The following YJU2B variants were observed in gnomAD, a reference collection of about 807,000 sequenced individuals.
The protein encoded by YJU2B is YJU2 splicing factor homolog B.
In YJU2B, 18 loss-of-function variants were observed where a neutral mutation model predicts 38.0. The ratio of observed to expected loss-of-function variants is 0.47; its 90% confidence interval spans 0.33 to 0.70. YJU2B has a LOEUF of 0.70. YJU2B is among the 30% of genes least tolerant of loss of function. YJU2B has a pLI of 0.02. For missense variants in YJU2B, 538 were observed against 556.3 expected (o/e 0.97, Z 0.33); for synonymous variants, 246 against 225.4 (o/e 1.09, Z -0.82).
intron 2 of YJU2B, among the ~76,000 whole-genome samples, chr19:13,736,197 GC>G (rs1972940479): frequency 6.6e-6 from 1 of 150,892 alleles, no homozygotes; most frequent in South Asian, 2.1e-4. Flanking sequence ...TATACAAAGA[GC>G]CATAGCTCCT....
intron 2 of YJU2B, among the ~76,000 whole-genome samples, chr19:13,738,349 T>C (rs1973007526): frequency 6.6e-6 from 1 of 152,202 alleles, no homozygotes; most frequent in African/African-American, 2.4e-5. Context: ...ATTGTCACTG[T>C]TATGGATTGA....
At position 13,742,466 on chromosome 19, in the gene YJU2B, C is replaced by G. The variant is rs116325813; in HGVS notation, c.-201-9142C>G. On this transcript the variant is annotated intron_variant, in intron 2 of 10. Coordinates refer to the YJU2B transcript ENST00000586600. ...TACAAGTCTCACATTTTATATGGCT[C>G]CCATGCTTACGCATAAATGTCTGTG... is the stretch of plus-strand genomic sequence containing the variant. 8.4e-3 allele frequency among the ~76,000 whole-genome samples: 1,281 copies of G among 152,310 alleles called. 16 individuals carry two copies. The highest frequency in any genetic ancestry group is 0.03 in the African/African-American group (1,232 of 41,570).
Position 13,763,036 on chromosome 19 carries a change from G to A in YJU2B, c.1159G>A (p.Val387Met). The stretch of plus-strand genomic sequence containing the variant: ...CCCCTGCAGTCTCGGCTCCTCCCTC[G>A]TGGCGGACTACTCCGACTCGGAGAG... ...RHPCSLGSSL[V>M]ADYSDSESE Residue 387 changes from valine (V) to methionine (M), a missense_variant, in exon 10 of 10, where the codon GTG becomes ATG. Val to Met is a conservative substitution (Grantham distance 21, BLOSUM62 1). This residue lies in a region of YJU2B where 488 missense variants were observed against 469.5 expected (regional missense o/e 1.04). Coordinates refer to ENST00000221554, the MANE Select transcript of YJU2B (RefSeq NM_030818.4). 1.9e-6 allele frequency: 3 copies of A among 1,575,398 alleles called. No individual in the cohort carries two copies. Among genetic ancestry groups the A allele is most frequent in the Non-Finnish European group, 2.6e-6 (3 of 1,160,278 alleles).
Position 13,762,850 on chromosome 19 carries a change from G to C in YJU2B, c.973G>C (p.Ala325Pro), listed in dbSNP as rs1440666250. 2.5e-6 allele frequency: 4 copies of C among 1,607,134 alleles called. No individual in the cohort carries two copies. In the African/African-American group the frequency reaches 4.0e-5, roughly 16 times the overall value. Reference sequence around the variant, plus strand: ...TGGGGAACCGCGGGTACCAGAGGAGGCTGCCCAGGACCGGCCCATGTCCCC... The same window carrying C: ...TGGGGAACCGCGGGTACCAGAGGAGCCTGCCCAGGACCGGCCCATGTCCCC... The part of the protein sequence containing the change: ...KSGEPRVPEE[A>P]AQDRPMSPGD... Residue 325 changes from alanine to proline, a missense_variant, in exon 10 of 10, where the codon GCT (alanine) becomes CCT (proline). By Grantham distance (27) the Ala-to-Pro change is conservative. This residue lies in a region of YJU2B where 488 missense variants were observed against 469.5 expected (regional missense o/e 1.04). Transcript: ENST00000221554.
At chr19:13,752,495 G>A (rs1165094858) in intron 2 of YJU2B, among the ~76,000 whole-genome samples, 2 of 152,208 alleles carry the variant, frequency 1.3e-5, no homozygotes, top group East Asian at 1.9e-4. Context: ...TGTAATCCCA[G>A]CACTTTGCGA....
At chr19:13,750,579 C>T (rs1461820480) in intron 1 of YJU2B, among the ~76,000 whole-genome samples, 1 of 151,760 alleles carries the variant, frequency 6.6e-6, no homozygotes, top group Non-Finnish European at 1.5e-5. Context: ...TGACAGGGGG[C>T]TGGGTGCAGT....
chr19:13,737,320 C>T (rs1404297172), intron 2 of YJU2B, among the ~76,000 whole-genome samples: 1 of 152,100 alleles, frequency 6.6e-6, no homozygotes, highest in Non-Finnish European at 1.5e-5. Flanking sequence ...TCCACTGTGC[C>T]TGGCCACTTC....
rs148655062 is a variant in YJU2B at position 13,762,319 on chromosome 19, G to T, written c.594G>T (p.Gln198His). 6.2e-7 allele frequency: 1 copy of T among 1,612,370 alleles called. No homozygotes were observed. Among genetic ancestry groups the T allele is most frequent in the Admixed American group, 1.7e-5 (1 of 59,760 alleles). Reference protein sequence around the residue: ...RRFREKKKAIQEEEERDQALQ... With the variant: ...RRFREKKKAIHEEEERDQALQ... ...CACAGGAAAAGAAAAAAGCCATCCAGGAGGAGGAGGAGAGAGACCAGGCCT... is the reference window on the plus strand; with the variant it reads ...CACAGGAAAAGAAAAAAGCCATCCATGAGGAGGAGGAGAGAGACCAGGCCT... Residue 198 changes from glutamine to histidine, a missense_variant, in exon 9 of 10, where the codon CAG becomes CAT. Transcript: ENST00000221554.
At chr19:13,757,535 C>T in intron 5 of YJU2B, 62 bp downstream of exon 5, 1 of 1,419,424 alleles carries the variant, frequency 7.0e-7, no homozygotes. Flanking sequence ...CTGCTGGATG[C>T]CGCCGGGGTG....
At chr19:13,734,595 T>C (rs1375552754) in intron 2 of YJU2B, among the ~76,000 whole-genome samples, 1 of 151,556 alleles carries the variant, frequency 6.6e-6, no homozygotes, top group Non-Finnish European at 1.5e-5. Flanking sequence ...CGGCCCTTTT[T>C]TTGTTTGTTT....
intron 2 of YJU2B, among the ~76,000 whole-genome samples, chr19:13,741,301 C>A (rs1023061867): frequency 6.6e-6 from 1 of 151,560 alleles, no homozygotes; most frequent in African/African-American, 2.4e-5. Flanking sequence ...ATTACAGGTG[C>A]ACGCCACCAT....
At chr19:13,740,564 G>A (rs188642948) in intron 2 of YJU2B, among the ~76,000 whole-genome samples, 105 of 151,300 alleles carry the variant, frequency 6.9e-4, no homozygotes, top group African/African-American at 2.5e-3. Flanking sequence ...ATGTGATGGA[G>A]TCTCGCTCTG....
upstream of YJU2B, among the ~76,000 whole-genome samples, chr19:13,745,432 G>A (rs1410845053): frequency 2.6e-5 from 4 of 151,962 alleles, no homozygotes; most frequent in Admixed American, 1.3e-4. Context: ...GGAGGCCGAG[G>A]TGGGCAGATC....
At chr19:13,744,998 A>C (rs908119871), upstream of YJU2B, among the ~76,000 whole-genome samples, 10 of 152,258 alleles carry the variant, frequency 6.6e-5, no homozygotes, top group East Asian at 1.9e-3. Flanking sequence ...GTCTCAAAAA[A>C]AAAAAAAAAG....
chr19:13,754,809 T>C (rs760909385), intron 3 of YJU2B, among the ~76,000 whole-genome samples: 3 of 152,092 alleles, frequency 2.0e-5, no homozygotes, highest in Non-Finnish European at 4.4e-5. Context: ...CCCTCACTTA[T>C]TCATTTATTT....
chr19:13,762,256 C>T, intron 8 of YJU2B, 43 bp from the exon 9 acceptor site: 1 of 1,602,794 alleles, frequency 6.2e-7, no homozygotes, highest in Non-Finnish European at 8.5e-7. Context: ...AGAGACAGGG[C>T]TTTGACACCC....
intron 4 of YJU2B, among the ~76,000 whole-genome samples, chr19:13,756,681 GAC>G: frequency 6.6e-6 from 1 of 152,218 alleles, no homozygotes. Context: ...TCTCAAAAAA[GAC>G]AGTGATCGTA....
chr19:13,735,566 CT>C (rs1010419591), intron 2 of YJU2B, among the ~76,000 whole-genome samples: 2 of 151,776 alleles, frequency 1.3e-5, no homozygotes. Flanking sequence ...GCCCAGTCCC[CT>C]AAACACATCT....
chr19:13,736,760 G>A (rs1972958584), intron 2 of YJU2B, among the ~76,000 whole-genome samples: 1 of 151,822 alleles, frequency 6.6e-6, no homozygotes, highest in South Asian at 2.1e-4. Flanking sequence ...GGCCAGGTGC[G>A]GTAGCTCACG....
Sources: gnomAD v4.1 joint callset for allele counts (sites outside exome capture counted in the v4.1 genomes callset) on GRCh38, gnomAD v4.1.1 for gene constraint, gnomAD v4.1.1 regional missense constraint, MANE v1.5 for transcripts, NCBI Gene and HGNC (gene_info 2026-07-23, HGNC 2026-07-21) for gene names.